The following RAB1A variants were observed in gnomAD, a reference collection of about 807,000 sequenced individuals.
RAB1A encodes the protein ras-related protein Rab-1A.
RAB1A carries 2 observed loss-of-function variants against 26.0 expected under a neutral mutation model. The observed-to-expected ratio is 0.08, with a 90% CI of 0.03 to 0.24. The LOEUF (loss-of-function observed/expected upper bound fraction) is 0.24. Among genes scored for constraint, RAB1A ranks in the 10% least tolerant of loss-of-function variants. RAB1A has a pLI of 1.00. For synonymous variants in RAB1A, 84 were observed against 84.9 expected, an observed-to-expected ratio of 0.99 and a Z score of 0.06; for missense variants, 100 against 247.0, an observed-to-expected ratio of 0.40 and a Z score of 3.99.
intron 1 of RAB1A, among the ~76,000 whole-genome samples, chr2:65,106,873 C>A (rs1052073694): frequency 6.6e-6 from 1 of 151,622 alleles, no homozygotes; most frequent in African/African-American, 2.4e-5. Flanking sequence ...ACCAAATATT[C>A]TTCTTTCTTT....
Position 65,090,993 on chromosome 2 carries a change from A to C in RAB1A, c.278T>G (p.Val93Gly), listed in dbSNP as rs762492484. Reference protein sequence around the residue: ...GAHGIIVVYDVTDQESFNNVK... With the variant: ...GAHGIIVVYDGTDQESFNNVK... The stretch of plus-strand genomic sequence containing the variant: ...CCTCTTGGAACTTACCTGATCTGTC[A>C]CATCATACACAACTATGATGCCATG... Residue 93 changes from valine (V) to glycine (G), a missense_variant, in exon 4 of 6, where the codon GTG (valine) becomes GGG (glycine). Around this residue, in one of 2 missense-constraint regions of RAB1A, gnomAD observed 33 missense variants for 124.2 expected, o/e 0.27. Transcript: ENST00000409784. 2 of 1,606,810 alleles carry C rather than the reference A, an allele frequency of 1.2e-6. No homozygotes were observed. The highest frequency in any genetic ancestry group is 3.3e-5 in the Admixed American group (2 of 59,754).
rs1175876146 is a variant in RAB1A, at chr2:65,087,287, T to C, written c.*1206A>G. 2 of 152,664 alleles carry C rather than the reference T, an allele frequency of 1.3e-5. No homozygotes were observed. The highest frequency in any genetic ancestry group is 2.9e-5 in the Non-Finnish European group (2 of 68,046). 9.5% of individuals were successfully genotyped at this position (152,664 alleles called of 1,614,324 possible). A position where few individuals can be genotyped will look rare whatever the true frequency, so the allele number is the denominator to read the frequency against. On this transcript the variant is annotated 3_prime_UTR_variant, in exon 6 of 6. Transcript: ENST00000409784. ...GCAAAATGTCACCAAAATAAATACA[T>C]TTGCCTCAATTATCATTACCACCCA...
chr2:65,117,733 G>GTT (rs11286030), intron 1 of RAB1A, among the ~76,000 whole-genome samples: 24 of 136,284 alleles, frequency 1.8e-4, no homozygotes, highest in African/African-American at 5.7e-4. Flanking sequence ...CGTCCAGCTA[G>GTT]TTTTTTTTTT....
intron 1 of RAB1A, among the ~76,000 whole-genome samples, chr2:65,129,198 T>TAAA (rs373295500): frequency 3.1e-4 from 41 of 134,396 alleles, no homozygotes; most frequent in Middle Eastern, 3.7e-3. Context: ...GTGTCCTCTT[T>TAAA]AAAAAAAAAA....
intron 1 of RAB1A, among the ~76,000 whole-genome samples, chr2:65,119,363 C>T (rs575189179): frequency 4.6e-5 from 7 of 151,906 alleles, no homozygotes; most frequent in Admixed American, 3.9e-4. Flanking sequence ...CAAAATTAGC[C>T]GGGCATGGTG....
intron 1 of RAB1A, among the ~76,000 whole-genome samples, chr2:65,115,800 T>G (rs1669810764): frequency 6.6e-6 from 1 of 152,208 alleles, no homozygotes. Context: ...TTCTTTGGTA[T>G]TTAGAGACAA....
chr2:65,103,700 T>C lies in RAB1A; in HGVS notation c.96+1034A>G, dbSNP rs147084377. Among the ~76,000 whole-genome samples the C allele has an allele frequency of 6.4e-3, 977 of 152,346 alleles. 17 individuals carry two copies. Among genetic ancestry groups the C allele is most frequent in the African/African-American group, 0.022 (911 of 41,578 alleles). The stretch of plus-strand genomic sequence containing the variant: ...ACCTCATGGGCTACCTGAGAGGGTC[T>C]TGGTAACCCCCAGGAGTCTTTGGTC... On this transcript the variant is annotated intron_variant, in intron 2 of 5. Coordinates refer to ENST00000409784, the MANE Select transcript of RAB1A (RefSeq NM_004161.5).
At chr2:65,094,123 C>T (rs530423539) in intron 3 of RAB1A, among the ~76,000 whole-genome samples, 18 of 152,232 alleles carry the variant, frequency 1.2e-4, no homozygotes, top group African/African-American at 4.1e-4. Context: ...GGACACACCA[C>T]CATGCCTGGC....
rs189948265 is a variant in RAB1A, at chr2:65,127,868, G to C, written c.23+2025C>G. Among the ~76,000 whole-genome samples, 743 of 152,230 alleles carry C rather than the reference G, an allele frequency of 4.9e-3. 6 individuals are homozygous for C. The highest frequency in any genetic ancestry group is 7.9e-3 in the Non-Finnish European group (540 of 68,004). ...CCTGCCTCAGCCTCTCGAGTAGCTG[G>C]GACTACAGGTGCCCACCACCACGCC... On this transcript the variant is annotated intron_variant, in intron 1 of 5. Coordinates refer to ENST00000409784, the MANE Select transcript of RAB1A (RefSeq NM_004161.5).
chr2:65,109,432 G>A (rs111778391), intron 1 of RAB1A, among the ~76,000 whole-genome samples: 15,731 of 152,058 alleles, frequency 0.1, 1,107 homozygotes, highest in South Asian at 0.2. Context: ...GGCTGGGCGC[G>A]GTGGCTCACA....
At chr2:65,091,215 A>G in intron 3 of RAB1A, 137 bp from the exon 4 acceptor site, 2 of 609,450 alleles carry the variant, frequency 3.3e-6, no homozygotes, top group Non-Finnish European at 5.7e-6. Flanking sequence ...TTAGTCCTCA[A>G]CTCATACCAC....
intron 1 of RAB1A, among the ~76,000 whole-genome samples, chr2:65,112,432 C>T (rs1669720756): frequency 6.6e-6 from 1 of 152,100 alleles, no homozygotes; most frequent in African/African-American, 2.4e-5. Flanking sequence ...TAGGCATAAG[C>T]CACCGTACCC....
chr2:65,095,998 A>T (rs554231768), intron 3 of RAB1A, among the ~76,000 whole-genome samples: 2 of 151,726 alleles, frequency 1.3e-5, no homozygotes, highest in African/African-American at 4.8e-5. Flanking sequence ...CTAAAAATAC[A>T]AAAAATTAGC....
At chr2:65,122,160 A>T (rs1474352180) in intron 1 of RAB1A, among the ~76,000 whole-genome samples, 3 of 17,768 alleles carry the variant, frequency 1.7e-4, no homozygotes, top group Admixed American at 5.7e-4. Flanking sequence ...TATCTCAAAA[A>T]AAAAAAAAAA....
chr2:65,094,748 A>G (rs1323958586), intron 3 of RAB1A, among the ~76,000 whole-genome samples: 1 of 152,224 alleles, frequency 6.6e-6, no homozygotes, highest in East Asian at 1.9e-4. Context: ...TCAGGCTCCA[A>G]ATCAAGACAG....
At chr2:65,100,155 A>G (rs185728608) in intron 2 of RAB1A, among the ~76,000 whole-genome samples, 4 of 152,312 alleles carry the variant, frequency 2.6e-5, no homozygotes, top group Non-Finnish European at 5.9e-5. Flanking sequence ...TAATACCAGC[A>G]CTTTGGGAGG....
chr2:65,121,644 C>T (rs948991483), intron 1 of RAB1A, among the ~76,000 whole-genome samples: 11 of 152,194 alleles, frequency 7.2e-5, no homozygotes, highest in Non-Finnish European at 1.5e-4. Flanking sequence ...ATCTGCAACA[C>T]TCCCAGGGTG....
chr2:65,122,754 A>G (rs370819156), intron 1 of RAB1A, among the ~76,000 whole-genome samples: 188 of 152,200 alleles, frequency 1.2e-3, no homozygotes, highest in African/African-American at 4.2e-3. Flanking sequence ...AGGCAGGTGG[A>G]TCACAAGGTC....
chr2:65,102,468 GT>G (rs1669453285), intron 2 of RAB1A, among the ~76,000 whole-genome samples: 1 of 151,992 alleles, frequency 6.6e-6, no homozygotes, highest in Non-Finnish European at 1.5e-5. Flanking sequence ...TAAACTCTAA[GT>G]TTTTTCAAAT....
Sources: gnomAD v4.1 joint callset for allele counts (sites outside exome capture counted in the v4.1 genomes callset) on GRCh38, gnomAD v4.1.1 for gene constraint, gnomAD v4.1.1 regional missense constraint, MANE v1.5 for transcripts, NCBI Gene and HGNC (gene_info 2026-07-23, HGNC 2026-07-21) for gene names.